The following CACNG7 variants were observed in gnomAD, a reference collection of about 807,000 sequenced individuals.
CACNG7 encodes voltage-dependent calcium channel gamma-7 subunit.
Under a neutral mutation model 26.3 loss-of-function variants are expected in CACNG7, and 9 were observed. The observed-to-expected ratio is 0.34, with a 90% confidence interval of 0.21 to 0.60. The LOEUF is 0.60. Among genes scored for constraint, CACNG7 ranks in the 20% least tolerant of loss-of-function variants. The pLI is 0.81. For synonymous variants in CACNG7, 170 were observed against 157.0 expected (o/e 1.08, Z -0.62); for missense variants, 297 against 380.4 (o/e 0.78, Z 1.82).
At chr19:53,923,610 C>T (rs1277499481) in intron 4 of CACNG7, among the ~76,000 whole-genome samples, 1 of 131,886 alleles carries the variant, frequency 7.6e-6, no homozygotes, top group African/African-American at 3.0e-5. Flanking sequence ...TGCCCCAGGT[C>T]TGGTCATTGG....
intron 4 of CACNG7, among the ~76,000 whole-genome samples, chr19:53,918,464 T>C (rs1460356516): frequency 6.6e-6 from 1 of 152,126 alleles, no homozygotes; most frequent in African/African-American, 2.4e-5. Context: ...ATTCTTCTTC[T>C]TTTGATTTTT....
chr19:53,934,176 C>T (rs1266364169), intron 4 of CACNG7, among the ~76,000 whole-genome samples: 2 of 152,178 alleles, frequency 1.3e-5, no homozygotes, highest in East Asian at 1.9e-4. Flanking sequence ...GGATGACAGG[C>T]GTGAGCCACT....
At chr19:53,937,169 C>T (rs1427512768) in intron 4 of CACNG7, among the ~76,000 whole-genome samples, 1 of 152,218 alleles carries the variant, frequency 6.6e-6, no homozygotes, top group Non-Finnish European at 1.5e-5. Context: ...AGATTCCACT[C>T]ATGAGCCACG....
Position 53,909,542 on chromosome 19 carries a change from G to T in CACNG7, c.-30+25G>T. On this transcript the variant is annotated intron_variant, in intron 1 of 5. Transcript: ENST00000391767. This position sits in a 1 kb window ranked among gnomAD's most constrained non-coding sequence, Gnocchi z 5.1. The stretch of plus-strand genomic sequence containing the variant: ...GGTGAGCGCTAGCGGAGGGTCCTGG[G>T]AGGAAGAAGGGGCGCCCCTCGAGGT... The T allele has an allele frequency of 6.5e-6, 1 of 152,816 alleles. No homozygotes were observed. Among genetic ancestry groups the T allele is most frequent in the South Asian group, 2.0e-4 (1 of 5,064 alleles). 9.5% of individuals were successfully genotyped at this position (152,816 alleles called of 1,614,324 possible). A position where few individuals can be genotyped will look rare whatever the true frequency, so the allele number is the denominator to read the frequency against.
At chr19:53,932,424 A>T (rs2069079169) in intron 4 of CACNG7, among the ~76,000 whole-genome samples, 1 of 152,182 alleles carries the variant, frequency 6.6e-6, no homozygotes, top group African/African-American at 2.4e-5. Flanking sequence ...TTTTAAAGCC[A>T]GTCTCAGACA....
intron 4 of CACNG7, among the ~76,000 whole-genome samples, chr19:53,933,399 A>G (rs1420153410): frequency 6.7e-6 from 1 of 148,256 alleles, no homozygotes; most frequent in Non-Finnish European, 1.5e-5. Context: ...TCCCAGGTTC[A>G]TGCAATTCTC....
rs202017942 is a variant in CACNG7, at chr19:53,915,530, G to A, written c.424+25G>A. 44 of 1,612,202 alleles carry A rather than the reference G, an allele frequency of 2.7e-5. No individual in the cohort carries two copies. In the Middle Eastern group the frequency reaches 4.9e-4, roughly 18 times the overall value. The stretch of plus-strand genomic sequence containing the variant: ...GGTGAGCCTAAGGACTTGGGGGTTG[G>A]GGGGGACCATTTCCAGTTCCAGGGA... On this transcript the variant is annotated intron_variant, in intron 4 of 5. Transcript: ENST00000391767.
Position 53,909,807 on chromosome 19 carries a change from G to A in CACNG7, c.-30+290G>A, listed in dbSNP as rs952607305. Among the ~76,000 whole-genome samples, 1 of 152,104 alleles carries A rather than the reference G, an allele frequency of 6.6e-6. No homozygotes were observed. The highest frequency in any genetic ancestry group is 2.4e-5 in the African/African-American group (1 of 41,440). Reference sequence around the variant, plus strand: ...CGGGTCCCTGAGGAAGGCGAGGTACGGGGCGAGGGCGGAGGACCCAGGCCC... The same window carrying A: ...CGGGTCCCTGAGGAAGGCGAGGTACAGGGCGAGGGCGGAGGACCCAGGCCC... On this transcript the variant is annotated intron_variant, in intron 1 of 5. Transcript: ENST00000391767. This position sits in a 1 kb window ranked among gnomAD's most constrained non-coding sequence, Gnocchi z 5.1.
At chr19:53,920,802 T>C (rs536363614) in intron 4 of CACNG7, among the ~76,000 whole-genome samples, 3 of 94,636 alleles carry the variant, frequency 3.2e-5, no homozygotes, top group Non-Finnish European at 6.0e-5. Flanking sequence ...ATTGGTGGAC[T>C]TGCCCCAGGC....
chr19:53,935,756 TC>T (rs1363431146), intron 4 of CACNG7, among the ~76,000 whole-genome samples: 1 of 147,776 alleles, frequency 6.8e-6, no homozygotes, highest in African/African-American at 2.5e-5. Context: ...TTCTCCTGCC[TC>T]AGCCTCCCAA....
Position 53,922,844 on chromosome 19 carries a change from C to G in CACNG7, c.424+7339C>G, listed in dbSNP as rs35394446. Among the ~76,000 whole-genome samples the G allele has an allele frequency of 4.5e-4, 24 of 53,836 alleles. 3 individuals are homozygous for G. The highest frequency in any genetic ancestry group is 2.5e-3 in the Admixed American group (15 of 6,058). 35.3% of individuals were successfully genotyped at this position (53,836 alleles called of 152,430 possible). ...GTTGTCCCAGGTCTGGTCATTGGTG[C>G]AGTTGCCCCAGGTCTGGTCATTGGT... On this transcript the variant is annotated intron_variant, in intron 4 of 5. Transcript: ENST00000391767.
In CACNG7 at chr19:53,912,095, G is replaced by A. The variant is rs758995976; in HGVS notation, c.-29-708G>A. On this transcript the variant is annotated intron_variant, in intron 1 of 5. Coordinates refer to ENST00000391767, the MANE Select transcript of CACNG7 (RefSeq NM_031896.5). The surrounding 1 kb of genome is among the most constrained non-coding windows in gnomAD (Gnocchi z 4.6). ...CATGGAGTTAAGACTGGGTAGCCTGGGTTAGAGTTTCTGGCCAGCTCAAGT... is the reference window on the plus strand; with the variant it reads ...CATGGAGTTAAGACTGGGTAGCCTGAGTTAGAGTTTCTGGCCAGCTCAAGT... Among the ~76,000 whole-genome samples, 2 of 152,154 alleles carry A rather than the reference G, an allele frequency of 1.3e-5. No individual in the cohort carries two copies. The highest frequency in any genetic ancestry group is 2.9e-5 in the Non-Finnish European group (2 of 68,028).
intron 4 of CACNG7, among the ~76,000 whole-genome samples, chr19:53,932,458 G>A (rs1568782215): frequency 6.7e-6 from 1 of 149,726 alleles, no homozygotes; most frequent in East Asian, 1.9e-4. Flanking sequence ...AGATATTTCA[G>A]TATATCTCTG....
At chr19:53,915,540 T>C (rs2068891746) in intron 4 of CACNG7, 35 bp downstream of exon 4, 1 of 1,610,764 alleles carries the variant, frequency 6.2e-7, no homozygotes, top group Non-Finnish European at 8.5e-7. Flanking sequence ...GGGGGGACCA[T>C]TTCCAGTTCC....
chr19:53,918,290 T>C (rs985182351), intron 4 of CACNG7, among the ~76,000 whole-genome samples: 3 of 152,240 alleles, frequency 2.0e-5, no homozygotes, highest in Non-Finnish European at 4.4e-5. Context: ...TTAGGCTACG[T>C]GAGCCATAGG....
chr19:53,918,857 G>T (rs892022575), intron 4 of CACNG7, among the ~76,000 whole-genome samples: 1 of 151,920 alleles, frequency 6.6e-6, no homozygotes, highest in Admixed American at 6.6e-5. Flanking sequence ...CAACCTCCGC[G>T]TCCCAGGTTC....
rs960474437 is a variant in CACNG7, at chr19:53,943,547, A to C, written c.*1254A>C. 7.1e-5 allele frequency: 2 copies of C among 28,320 alleles called. No homozygotes were observed. The highest frequency in any genetic ancestry group is 4.9e-4 in the Admixed American group (1 of 2,048). The allele number at this position is 28,320 out of a possible 1,614,324, so 1.8% of individuals were successfully genotyped here. A position where few individuals can be genotyped will look rare whatever the true frequency, so the allele number is the denominator to read the frequency against. Reference sequence around the variant, plus strand: ...GTTTGCATCTTAGGTGGGAGGGGGGAGGGGGGACCCGCCGCAGTTAACCTG... The same window carrying C: ...GTTTGCATCTTAGGTGGGAGGGGGGCGGGGGGACCCGCCGCAGTTAACCTG... On this transcript the variant is annotated 3_prime_UTR_variant, in exon 6 of 6. Coordinates refer to ENST00000391767, the MANE Select transcript of CACNG7 (RefSeq NM_031896.5).
At chr19:53,921,268 G>A (rs1341763314) in intron 4 of CACNG7, among the ~76,000 whole-genome samples, 3 of 134,916 alleles carry the variant, frequency 2.2e-5, no homozygotes, top group Non-Finnish European at 4.6e-5. Flanking sequence ...CCCCAGGTCT[G>A]GTCATTGGTG....
chr19:53,923,125 G>T (rs953410813), intron 4 of CACNG7, among the ~76,000 whole-genome samples: 2 of 124,716 alleles, frequency 1.6e-5, no homozygotes. Flanking sequence ...GTTGCCCCAG[G>T]TCTGGTCATT....
Sources: gnomAD v4.1 joint callset for allele counts (sites outside exome capture counted in the v4.1 genomes callset) on GRCh38, gnomAD v4.1.1 for gene constraint, Gnocchi (gnomAD v3.1) non-coding constraint, MANE v1.5 for transcripts, NCBI Gene and HGNC (gene_info 2026-07-23, HGNC 2026-07-21) for gene names.